API5: variants seen among roughly 807,000 people sequenced by gnomAD.
API5 encodes the protein apoptosis inhibitor 5.
In API5, 6 loss-of-function variants were observed where a neutral mutation model predicts 71.9. That is an observed-to-expected ratio of 0.08 (90% CI 0.05 to 0.16). The LOEUF is 0.16. API5 is among the 10% of genes least tolerant of loss of function. API5 has a pLI of 1.00. For missense variants in API5, 332 were observed against 612.8 expected, an observed-to-expected ratio of 0.54 and a Z score of 4.84; for synonymous variants, 189 against 221.3, an observed-to-expected ratio of 0.85 and a Z score of 1.30.
At chr11:43,323,255 G>T in intron 5 of API5, among the ~76,000 whole-genome samples, 175 bp from the exon 6 acceptor site, 1 of 152,172 alleles carries the variant, frequency 6.6e-6, no homozygotes, top group Non-Finnish European at 1.5e-5. Context: ...AGAATGCGTG[G>T]TTTACACTGA....
chr11:43,339,150 C>A lies in API5; in HGVS notation c.1492+3156C>A, dbSNP rs1337294960. The A allele has an allele frequency of 1.3e-5, 2 of 152,090 alleles. 1 individual carries two copies. The highest frequency in any genetic ancestry group is 6.3e-3 in the Middle Eastern group (2 of 316). 9.4% of individuals were successfully genotyped at this position (152,090 alleles called of 1,614,324 possible). A position where few individuals can be genotyped will look rare whatever the true frequency, so the allele number is the denominator to read the frequency against. On this transcript the variant is annotated intron_variant, in intron 13 of 13. Transcript: ENST00000531273. ...CATAAGAAGGTGACTTTGAATCAGACCCATTCTATTATACAGATAAATATT... is the reference window on the plus strand; with the variant it reads ...CATAAGAAGGTGACTTTGAATCAGAACCATTCTATTATACAGATAAATATT...
At chr11:43,327,249 C>CTAG (rs1855105866) in intron 7 of API5, among the ~76,000 whole-genome samples, 1 of 152,208 alleles carries the variant, frequency 6.6e-6, no homozygotes, top group Non-Finnish European at 1.5e-5. Flanking sequence ...ATGTGCTGGG[C>CTAG]TAGGCCCATC....
At chr11:43,315,606 A>G (rs1394879863) in intron 1 of API5, among the ~76,000 whole-genome samples, 9 of 152,202 alleles carry the variant, frequency 5.9e-5, no homozygotes, top group African/African-American at 1.9e-4. Flanking sequence ...TGTATATTCT[A>G]ATAAGCAAAC....
intron 1 of API5, among the ~76,000 whole-genome samples, chr11:43,317,124 A>C (rs188729691): frequency 6.6e-6 from 1 of 152,208 alleles, no homozygotes; most frequent in African/African-American, 2.4e-5. Flanking sequence ...CACTTAGAAC[A>C]CTCCTTATAC....
At chr11:43,337,187 A>G (rs1843827974) in intron 13 of API5, among the ~76,000 whole-genome samples, 1 of 151,670 alleles carries the variant, frequency 6.6e-6, no homozygotes, top group Non-Finnish European at 1.5e-5. Flanking sequence ...TTAGTTGGGT[A>G]TGGTGGCACG....
intron 1 of API5, among the ~76,000 whole-genome samples, chr11:43,313,931 A>G (rs969943044): frequency 1.3e-5 from 2 of 152,120 alleles, no homozygotes; most frequent in Non-Finnish European, 2.9e-5. Context: ...TCTACTAAAA[A>G]TACAAAAATT....
Position 43,312,025 on chromosome 11 carries a change from G to A in API5, c.-103G>A. 1 of 1,291,776 alleles carries A rather than the reference G, an allele frequency of 7.7e-7. No individual in the cohort carries two copies. The highest frequency in any genetic ancestry group is 1.1e-6 in the Non-Finnish European group (1 of 919,758). The allele number at this position is 1,291,776 out of a possible 1,614,324, so 80.0% of individuals were successfully genotyped here. On this transcript the variant is annotated 5_prime_UTR_variant, in exon 1 of 14. Coordinates refer to ENST00000531273, the MANE Select transcript of API5 (RefSeq NM_001142930.2). ...CTGGCGGCTGCACTGGCGGCAGCTGGAGGTGTAATAGTGCGGGTAGTGGGT... is the reference window on the plus strand; with the variant it reads ...CTGGCGGCTGCACTGGCGGCAGCTGAAGGTGTAATAGTGCGGGTAGTGGGT...
chr11:43,327,395 G>A (rs552839270), intron 7 of API5, among the ~76,000 whole-genome samples: 1 of 152,362 alleles, frequency 6.6e-6, no homozygotes, highest in East Asian at 1.9e-4. Context: ...CTTAGCTGTT[G>A]AGAGTTCTTA....
chr11:43,321,216 A>C (rs1854878979), intron 3 of API5, among the ~76,000 whole-genome samples, 195 bp from the exon 4 acceptor site: 1 of 152,160 alleles, frequency 6.6e-6, no homozygotes, highest in Admixed American at 6.5e-5. Context: ...TCTTAATAAA[A>C]GTTTTTCAGG....
At chr11:43,341,102 G>A (rs1451616783) in intron 13 of API5, among the ~76,000 whole-genome samples, 1 of 152,116 alleles carries the variant, frequency 6.6e-6, no homozygotes, top group African/African-American at 2.4e-5. Context: ...GATTAAAAAT[G>A]GGCAAATCAT....
chr11:43,334,857 G>C (rs1407202174), intron 11 of API5, among the ~76,000 whole-genome samples: 1 of 152,018 alleles, frequency 6.6e-6, no homozygotes, highest in Non-Finnish European at 1.5e-5. Context: ...TGGCAGTAAA[G>C]CTTTAGATTT....
At chr11:43,331,072 C>G (rs570192550) in intron 11 of API5, among the ~76,000 whole-genome samples, 1 of 152,106 alleles carries the variant, frequency 6.6e-6, no homozygotes, top group African/African-American at 2.4e-5. Flanking sequence ...TTGTATTGTG[C>G]CAGATGGGAA....
chr11:43,332,305 A>T (rs935045914), intron 11 of API5, among the ~76,000 whole-genome samples: 5 of 152,132 alleles, frequency 3.3e-5, no homozygotes, highest in Non-Finnish European at 7.4e-5. Flanking sequence ...GACGCTATCT[A>T]CCTAGAGGTA....
At position 43,344,053 on chromosome 11, in the gene API5, T is replaced by TGC. The variant is rs1855707237; in HGVS notation, c.*1543_*1544insGC. ...CTTGGCTATGGAGTGGTGGCAATAA[T>TGC]CTCTAAACATTCCAAAAGACCATGA... On this transcript the variant is annotated 3_prime_UTR_variant, in exon 14 of 14. Transcript: ENST00000531273. 1 of 152,554 alleles carries TGC rather than the reference T, an allele frequency of 6.6e-6. No individual in the cohort carries two copies. Among genetic ancestry groups the TGC allele is most frequent in the Non-Finnish European group, 1.5e-5 (1 of 68,030 alleles). 9.5% of individuals were successfully genotyped at this position (152,554 alleles called of 1,614,324 possible).
At chr11:43,326,173 C>T (rs1855065300) in intron 6 of API5, among the ~76,000 whole-genome samples, 1 of 152,190 alleles carries the variant, frequency 6.6e-6, no homozygotes, top group African/African-American at 2.4e-5. Flanking sequence ...ACTGCATTGA[C>T]ATGGTTAAGT....
chr11:43,333,605 TACAG>T (rs1855331219), intron 11 of API5, among the ~76,000 whole-genome samples: 1 of 152,220 alleles, frequency 6.6e-6, no homozygotes, highest in South Asian at 2.1e-4. Flanking sequence ...AATACATTAA[TACAG>T]ATAGATATAT....
chr11:43,341,620 G>C (rs991714414), intron 13 of API5, among the ~76,000 whole-genome samples: 10 of 152,098 alleles, frequency 6.6e-5, no homozygotes, highest in Non-Finnish European at 1.3e-4. Context: ...AGAGATTTGT[G>C]GGAGGATGCA....
intron 13 of API5, 104 bp downstream of exon 13, chr11:43,336,098 A>G: frequency 4.2e-6 from 6 of 1,423,820 alleles, no homozygotes; most frequent in South Asian, 1.4e-5. Flanking sequence ...GTTCTATCCA[A>G]TGACTTTTCT....
intron 3 of API5, among the ~76,000 whole-genome samples, 197 bp from the exon 4 acceptor site, chr11:43,321,212 TAA>T (rs761428523): frequency 2.6e-5 from 4 of 152,178 alleles, no homozygotes; most frequent in Non-Finnish European, 5.9e-5. Flanking sequence ...AGCATCTTAA[TAA>T]AAGTTTTTCA....
Sources: gnomAD v4.1 joint callset for allele counts (sites outside exome capture counted in the v4.1 genomes callset) on GRCh38, gnomAD v4.1.1 for gene constraint, MANE v1.5 for transcripts, NCBI Gene and HGNC (gene_info 2026-07-23, HGNC 2026-07-21) for gene names.